Variants in ZBTB20 observed in about 807,000 individuals in gnomAD.
The protein encoded by ZBTB20 is zinc finger and BTB domain-containing protein 20.
ZBTB20 carries 9 observed loss-of-function variants against 56.9 expected under a neutral mutation model. The observed-to-expected ratio is 0.16, with a 90% confidence interval of 0.10 to 0.28. ZBTB20 has a LOEUF of 0.28. Among genes scored for constraint, ZBTB20 ranks in the 10% least tolerant of loss-of-function variants. The pLI is 1.00. For synonymous variants in ZBTB20, 417 were observed against 420.7 expected, an observed-to-expected ratio of 0.99 and a Z score of 0.11; for missense variants, 655 against 1,003.0, an observed-to-expected ratio of 0.65 and a Z score of 4.69.
intron 6 of ZBTB20, among the ~76,000 whole-genome samples, chr3:114,650,851 G>A (rs2060091597): frequency 6.6e-6 from 1 of 151,904 alleles, no homozygotes; most frequent in African/African-American, 2.4e-5. Context: ...AAATAAACGT[G>A]ATAGCTGTAG....
intron 3 of ZBTB20, among the ~76,000 whole-genome samples, chr3:114,937,837 C>G (rs1359390178): frequency 6.6e-6 from 1 of 152,064 alleles, no homozygotes; most frequent in Non-Finnish European, 1.5e-5. Flanking sequence ...GTGGCTCACG[C>G]CTGTAATCCC....
At chr3:114,449,683 T>TAAAAA (rs11439656) in intron 7 of ZBTB20, among the ~76,000 whole-genome samples, 1 of 134,542 alleles carries the variant, frequency 7.4e-6, no homozygotes, top group Non-Finnish European at 1.6e-5. Context: ...AGCCTAGCTT[T>TAAAAA]AAAAAAAAAA....
At chr3:115,021,260 C>T (rs965058222) in intron 2 of ZBTB20, among the ~76,000 whole-genome samples, 3 of 150,802 alleles carry the variant, frequency 2.0e-5, no homozygotes, top group African/African-American at 7.3e-5. Context: ...ATTTAGTCAG[C>T]TTGATTTTTC....
intron 6 of ZBTB20, among the ~76,000 whole-genome samples, chr3:114,678,531 G>A (rs1291421286): frequency 6.6e-6 from 1 of 152,082 alleles, no homozygotes; most frequent in Non-Finnish European, 1.5e-5. Context: ...CTAAAGATTT[G>A]AAGTGAGTAA....
At chr3:114,542,036 T>C (rs996426503) in intron 6 of ZBTB20, among the ~76,000 whole-genome samples, 3 of 152,174 alleles carry the variant, frequency 2.0e-5, no homozygotes, top group Non-Finnish European at 4.4e-5. Flanking sequence ...ATTTTGGAAA[T>C]ATGAAACAAT....
chr3:115,139,113 C>G (rs1291343063), intron 1 of ZBTB20, among the ~76,000 whole-genome samples: 1 of 151,966 alleles, frequency 6.6e-6, no homozygotes, highest in Non-Finnish European at 1.5e-5. Context: ...TTACCATCAT[C>G]TAACAGACAG....
intron 10 of ZBTB20, among the ~76,000 whole-genome samples, chr3:114,354,919 A>G (rs1243024056): frequency 6.6e-6 from 1 of 152,176 alleles, no homozygotes; most frequent in Non-Finnish European, 1.5e-5. Context: ...CATATAAGAG[A>G]AAGTCGAGGC....
chr3:114,968,512 GA>G (rs1330828630), intron 3 of ZBTB20, among the ~76,000 whole-genome samples: 2 of 152,160 alleles, frequency 1.3e-5, no homozygotes, highest in Non-Finnish European at 2.9e-5. Flanking sequence ...TAATGACTTG[GA>G]ATGCCTTTGA....
intron 2 of ZBTB20, among the ~76,000 whole-genome samples, chr3:115,007,248 C>G (rs1161004043): frequency 1.3e-5 from 2 of 151,552 alleles, no homozygotes; most frequent in East Asian, 3.9e-4. Context: ...ATGACTTCAA[C>G]TTCTTCTGGA....
intron 2 of ZBTB20, among the ~76,000 whole-genome samples, chr3:115,066,779 C>A (rs1489066565): frequency 1.3e-5 from 2 of 152,028 alleles, no homozygotes; most frequent in Admixed American, 6.6e-5. Context: ...AGTCTCCTCT[C>A]GGGTTTCTAT....
At chr3:114,370,653 C>A (rs1450667945) in intron 10 of ZBTB20, among the ~76,000 whole-genome samples, 1 of 152,100 alleles carries the variant, frequency 6.6e-6, no homozygotes, top group Non-Finnish European at 1.5e-5. Flanking sequence ...ACAAAGACTT[C>A]TTTGAAGTTT....
chr3:114,398,028 T>C (rs2086483344), intron 7 of ZBTB20, among the ~76,000 whole-genome samples: 1 of 152,168 alleles, frequency 6.6e-6, no homozygotes, highest in Non-Finnish European at 1.5e-5. Context: ...AGCACATTTC[T>C]ATCTCTGAGC....
intron 10 of ZBTB20, among the ~76,000 whole-genome samples, chr3:114,357,530 C>A (rs2081376783): frequency 6.6e-6 from 1 of 152,110 alleles, no homozygotes; most frequent in African/African-American, 2.4e-5. Context: ...CTAGAGAATA[C>A]TTAAAAGTAT....
At chr3:114,557,783 T>C (rs933413086) in intron 6 of ZBTB20, among the ~76,000 whole-genome samples, 4 of 151,756 alleles carry the variant, frequency 2.6e-5, no homozygotes, top group Admixed American at 1.3e-4. Flanking sequence ...ATGAATGTGA[T>C]TGAGAAATGA....
intron 7 of ZBTB20, among the ~76,000 whole-genome samples, chr3:114,400,571 G>C (rs6763403): frequency 0.2 from 30,344 of 152,056 alleles, 3,881 homozygotes; most frequent in African/African-American, 0.35. Flanking sequence ...ATCACTTGAG[G>C]AAAGTTACTT....
At chr3:114,755,361 C>A (rs2067929216) in intron 5 of ZBTB20, among the ~76,000 whole-genome samples, 1 of 151,984 alleles carries the variant, frequency 6.6e-6, no homozygotes. Flanking sequence ...AATTTCAAGC[C>A]AGAAATGACT....
chr3:115,027,755 A>G (rs2080484096), intron 2 of ZBTB20, among the ~76,000 whole-genome samples: 1 of 150,918 alleles, frequency 6.6e-6, no homozygotes, highest in African/African-American at 2.4e-5. Context: ...GATATATACT[A>G]ATAAAATTGA....
rs555253187 is a variant in ZBTB20 at position 114,840,111 on chromosome 3, C to G, written c.-416-38937G>C. On this transcript the variant is annotated intron_variant, in intron 4 of 11. Transcript: ENST00000675478. ...GAGTGAGACAGATTTAGGTTTAGACCTGGGGTTTCTCTATACTAATTGTGT... is the reference window on the plus strand; with the variant it reads ...GAGTGAGACAGATTTAGGTTTAGACGTGGGGTTTCTCTATACTAATTGTGT... 3.3e-5 allele frequency among the ~76,000 whole-genome samples: 5 copies of G among 152,198 alleles called. No homozygotes were observed. In the East Asian group the frequency reaches 9.7e-4, roughly 29 times the overall value.
chr3:114,603,616 TAAAAGTGGG>T (rs1370391941), intron 6 of ZBTB20, among the ~76,000 whole-genome samples: 4 of 151,902 alleles, frequency 2.6e-5, no homozygotes, highest in African/African-American at 4.8e-5. Flanking sequence ...AAGTAATTTT[TAAAAGTGGG>T]AAAAACTTAT....
Sources: allele counts gnomAD v4.1 joint callset (sites outside exome capture counted in the v4.1 genomes callset), GRCh38; gene constraint gnomAD v4.1.1; transcripts MANE v1.5; gene names NCBI Gene and HGNC (gene_info 2026-07-23, HGNC 2026-07-21).